Variants in PPP1R21 observed in about 807,000 individuals in gnomAD.
PPP1R21 encodes KLRAQ motif containing 1.
Under a neutral mutation model 112.8 loss-of-function variants are expected in PPP1R21, and 85 were observed. That is an observed-to-expected ratio of 0.75 (90% CI 0.63 to 0.90). The LOEUF (loss-of-function observed/expected upper bound fraction) is 0.90, where lower values mean the gene tolerates loss of function less well. Ranked by LOEUF, PPP1R21 falls within the 40% of genes least tolerant of loss-of-function variation. PPP1R21 has a pLI of 0.00. For synonymous variants in PPP1R21, 381 were observed against 322.3 expected (o/e 1.18, Z -1.95); for missense variants, 1,199 against 901.5 (o/e 1.33, Z -4.23).
At position 48,454,699 on chromosome 2, in the gene PPP1R21, A is replaced by G. The variant is rs143067822; in HGVS notation, c.231A>G (p.Gln77=). 223 of 1,614,172 alleles carry G rather than the reference A, an allele frequency of 1.4e-4. No individual in the cohort carries two copies. The African/African-American group carries it at 2.4e-3, about 17-fold the overall frequency. ...TTGCCAAGAGGGTAGAACTACTTCA[A>G]GATGAACTAGCTCTAAGTGAACCAC... ...LQLAKRVELL[Q]DELALSEPRG... The change falls in exon 3 of 22, where the codon CAA becomes CAG. Residue 77 remains glutamine, a synonymous_variant. Transcript: ENST00000294952.
chr2:48,498,823 T>A, intron 17 of PPP1R21, 88 bp downstream of exon 17: 1 of 1,308,684 alleles, frequency 7.6e-7, no homozygotes, highest in Non-Finnish European at 1.1e-6. Flanking sequence ...TTGTCTTAGT[T>A]CATTCAGGCT....
At chr2:48,442,343 G>C (rs1457075266) in intron 1 of PPP1R21, among the ~76,000 whole-genome samples, 1 of 152,188 alleles carries the variant, frequency 6.6e-6, no homozygotes, top group Middle Eastern at 3.2e-3. Context: ...CAAGGGGACT[G>C]ATTTTCTTCT....
intron 1 of PPP1R21, among the ~76,000 whole-genome samples, chr2:48,442,217 G>A (rs1273147984): frequency 1.3e-5 from 2 of 152,222 alleles, no homozygotes; most frequent in Non-Finnish European, 2.9e-5. Flanking sequence ...ATGAAGGGAG[G>A]TGGGTGGAGG....
intron 12 of PPP1R21, chr2:48,479,571 G>A (rs773114514): frequency 6.1e-6 from 3 of 494,658 alleles, no homozygotes; most frequent in South Asian, 4.6e-5. Context: ...GAGTGTTTTA[G>A]CGATGTTCAG....
chr2:48,471,311 A>G lies in PPP1R21; in HGVS notation c.1032A>G (p.Glu344=). 6.2e-7 allele frequency: 1 copy of G among 1,611,820 alleles called. No homozygotes were observed. Among genetic ancestry groups the G allele is most frequent in the Non-Finnish European group, 8.5e-7 (1 of 1,179,184 alleles). ...ETTVKLKTFS[E]HLTSYICFLR... Reference sequence around the variant, plus strand: ...CTGTGAAATTGAAAACTTTTTCAGAACACTTAACCTCCTACATATGTTTTC... The same window carrying G: ...CTGTGAAATTGAAAACTTTTTCAGAGCACTTAACCTCCTACATATGTTTTC... Residue 344 remains glutamate, a synonymous_variant, in exon 11 of 22, where the codon GAA becomes GAG. Transcript: ENST00000294952.
intron 16 of PPP1R21, among the ~76,000 whole-genome samples, chr2:48,497,248 G>T (rs576165464): frequency 6.6e-6 from 1 of 152,296 alleles, no homozygotes; most frequent in East Asian, 1.9e-4. Flanking sequence ...CTGACTACTT[G>T]TTTGTTGATG....
At chr2:48,514,259 T>G (rs1254958846) in intron 21 of PPP1R21, among the ~76,000 whole-genome samples, 1 of 152,006 alleles carries the variant, frequency 6.6e-6, no homozygotes, top group African/African-American at 2.4e-5. Flanking sequence ...CTAATTTTTT[T>G]GTATTTTTAA....
chr2:48,441,807 A>T (rs1667043132), intron 1 of PPP1R21, among the ~76,000 whole-genome samples: 1 of 152,240 alleles, frequency 6.6e-6, no homozygotes, highest in Non-Finnish European at 1.5e-5. Context: ...GCAGAATTTT[A>T]CATCTTTGGA....
chr2:48,500,890 C>G (rs1260564810), intron 17 of PPP1R21, among the ~76,000 whole-genome samples: 1 of 151,892 alleles, frequency 6.6e-6, no homozygotes, highest in Non-Finnish European at 1.5e-5. Flanking sequence ...GCCTGGGCAA[C>G]AGAGCCAGAC....
chr2:48,499,923 C>G (rs1032563175), intron 17 of PPP1R21, among the ~76,000 whole-genome samples: 1 of 152,094 alleles, frequency 6.6e-6, no homozygotes, highest in Non-Finnish European at 1.5e-5. Flanking sequence ...TCAAAGGAGT[C>G]TTTTAGGTGT....
chr2:48,441,065 C>T (rs182338925), intron 1 of PPP1R21, 55 bp downstream of exon 1: 2 of 1,329,530 alleles, frequency 1.5e-6, no homozygotes, highest in Admixed American at 1.7e-5. Flanking sequence ...CTCAGGTTGC[C>T]GTGGCAGCGA....
chr2:48,477,439 A>G (rs1243194815), intron 12 of PPP1R21, among the ~76,000 whole-genome samples: 1 of 152,116 alleles, frequency 6.6e-6, no homozygotes, highest in Non-Finnish European at 1.5e-5. Flanking sequence ...ATTTTTGTAT[A>G]TGGTGCCTGT....
chr2:48,515,246 C>CTCTCTCTCTA lies in PPP1R21; in HGVS notation c.*503_*504insCTCTCTCTAT. On this transcript the variant is annotated 3_prime_UTR_variant, in exon 22 of 22. Transcript: ENST00000294952. Reference sequence around the variant, plus strand: ...TCTCTCTCTCTCTCTCTCTCTCTCTCTTCTTTCTCTCTGAGGGAGAGGGAG... The same window carrying CTCTCTCTCTA: ...TCTCTCTCTCTCTCTCTCTCTCTCTCTCTCTCTCTATTCTTTCTCTCTGAGGGAGAGGGAG... 1 of 145,598 alleles carries CTCTCTCTCTA rather than the reference C, an allele frequency of 6.9e-6. No individual in the cohort carries two copies. The allele number at this position is 145,598 out of a possible 1,614,324, so 9.0% of individuals were successfully genotyped here.
intron 7 of PPP1R21, 106 bp from the exon 8 acceptor site, chr2:48,464,831 T>A (rs1668127988): frequency 9.6e-6 from 7 of 730,846 alleles, no homozygotes; most frequent in South Asian, 9.1e-5. Context: ...TTTTAAATTC[T>A]TATGTAAAGT....
intron 2 of PPP1R21, 47 bp downstream of exon 2, chr2:48,451,123 TG>T (rs768373056): frequency 6.6e-7 from 1 of 1,508,160 alleles, no homozygotes; most frequent in South Asian, 1.1e-5. Flanking sequence ...TAGCATTTGG[TG>T]TTGCTCAAAG....
chr2:48,455,586 G>A (rs527602885), intron 3 of PPP1R21, among the ~76,000 whole-genome samples: 3 of 152,298 alleles, frequency 2.0e-5, no homozygotes, highest in African/African-American at 4.8e-5. Context: ...AATGTAGTTG[G>A]TTTAGTGGCC....
chr2:48,458,135 G>A lies in PPP1R21; in HGVS notation c.283G>A (p.Glu95Lys). ...TTATTCTTTCCATCAGAAAAGTGGA[G>A]AATCTTCTTCTCAGTTGAGTCAAGA... ...PRGKKNKKSG[E>K]SSSQLSQEQK... The change falls in exon 4 of 22, where the codon GAA becomes AAA. Residue 95 changes from glutamate to lysine, a missense_variant. By Grantham distance (56) the Glu-to-Lys change is moderately conservative. Coordinates refer to ENST00000294952, the MANE Select transcript of PPP1R21 (RefSeq NM_001135629.3). The A allele has an allele frequency of 6.2e-7, 1 of 1,609,068 alleles. No homozygotes were observed. The highest frequency in any genetic ancestry group is 8.5e-7 in the Non-Finnish European group (1 of 1,176,114).
intron 7 of PPP1R21, among the ~76,000 whole-genome samples, chr2:48,461,719 G>C (rs1667986309): frequency 6.6e-6 from 1 of 152,012 alleles, no homozygotes; most frequent in African/African-American, 2.4e-5. Flanking sequence ...ACAACAAAAA[G>C]TTAAAAAATA....
At chr2:48,450,486 C>T (rs1478371355) in intron 1 of PPP1R21, among the ~76,000 whole-genome samples, 1 of 152,216 alleles carries the variant, frequency 6.6e-6, no homozygotes, top group Non-Finnish European at 1.5e-5. Context: ...CCAGCTGATG[C>T]CCGAGGCCAT....
Sources: gnomAD v4.1 joint callset for allele counts (sites outside exome capture counted in the v4.1 genomes callset) on GRCh38, gnomAD v4.1.1 for gene constraint, MANE v1.5 for transcripts, NCBI Gene and HGNC (gene_info 2026-07-23, HGNC 2026-07-21) for gene names.